Variants in PKP4 observed in about 807,000 individuals in gnomAD.
The protein encoded by PKP4 is plakophilin 4.
PKP4 carries 90 observed loss-of-function variants against 145.1 expected under a neutral mutation model. The observed-to-expected ratio is 0.62, with a 90% CI of 0.52 to 0.74. The LOEUF (loss-of-function observed/expected upper bound fraction) is 0.74. PKP4 is among the 30% of genes least tolerant of loss of function. The pLI is 0.00. For synonymous variants in PKP4, 563 were observed against 577.2 expected (o/e 0.98, Z 0.35); for missense variants, 1,340 against 1,482.7 (o/e 0.90, Z 1.58).
chr2:158,665,511 G>A (rs139973141), intron 15 of PKP4, among the ~76,000 whole-genome samples: 181 of 152,278 alleles, frequency 1.2e-3, no homozygotes, highest in African/African-American at 4.1e-3. Context: ...GTAGATCTCT[G>A]TCCTACTGTC....
At chr2:158,528,794 T>G (rs939120612) in intron 1 of PKP4, among the ~76,000 whole-genome samples, 2 of 151,984 alleles carry the variant, frequency 1.3e-5, no homozygotes, top group African/African-American at 2.4e-5. Flanking sequence ...ATCTCTGAGC[T>G]TTGTATAGCC....
chr2:158,521,831 C>T (rs1574256803), intron 1 of PKP4, among the ~76,000 whole-genome samples: 1 of 152,096 alleles, frequency 6.6e-6, no homozygotes, highest in African/African-American at 2.4e-5. Flanking sequence ...GATGATACTC[C>T]TAGCAATTTT....
intron 1 of PKP4, among the ~76,000 whole-genome samples, chr2:158,508,894 C>T (rs1429235738): frequency 6.6e-6 from 1 of 152,118 alleles, no homozygotes; most frequent in East Asian, 1.9e-4. Flanking sequence ...TCTTTCTTTG[C>T]ACTGCTGGGT....
chr2:158,480,907 C>A (rs1180577419), intron 1 of PKP4, among the ~76,000 whole-genome samples: 1 of 152,114 alleles, frequency 6.6e-6, no homozygotes, highest in Non-Finnish European at 1.5e-5. Context: ...AACCACTAAT[C>A]TTTCTGTCTT....
intron 2 of PKP4, among the ~76,000 whole-genome samples, chr2:158,547,918 A>G (rs776366349): frequency 2.0e-5 from 3 of 152,242 alleles, no homozygotes; most frequent in African/African-American, 4.8e-5. Context: ...AAGTCGGCCA[A>G]CAAGGCTCAA....
At position 158,640,634 on chromosome 2, in the gene PKP4, G is replaced by T; in HGVS notation, c.1570G>T (p.Ala524Ser). ...DSIQKDPREF[A>S]WRDPELPEVI... ...CATGTTTTTCTCATGTAGGGAGTTT[G>T]CCTGGCGTGATCCTGAGTTGCCTGA... Residue 524 changes from alanine to serine, a missense_variant, in exon 10 of 22, where the codon GCC becomes TCC. Transcript: ENST00000389759. The T allele has an allele frequency of 1.2e-6, 2 of 1,612,970 alleles. No individual in the cohort carries two copies. Among genetic ancestry groups the T allele is most frequent in the Non-Finnish European group, 1.7e-6 (2 of 1,179,902 alleles).
intron 1 of PKP4, among the ~76,000 whole-genome samples, chr2:158,459,345 G>A (rs1689403940): frequency 6.6e-6 from 1 of 152,178 alleles, no homozygotes; most frequent in Non-Finnish European, 1.5e-5. Flanking sequence ...GTTATTTTAT[G>A]TCAGATTCAG....
chr2:158,665,980 A>G (rs1217764997), intron 15 of PKP4: 3 of 152,232 alleles, frequency 2.0e-5, no homozygotes, highest in Non-Finnish European at 4.4e-5. Context: ...GGGAATATAG[A>G]AAAAAAATGA....
At chr2:158,617,527 G>C (rs2051761956) in intron 4 of PKP4, among the ~76,000 whole-genome samples, 1 of 152,130 alleles carries the variant, frequency 6.6e-6, no homozygotes, top group Non-Finnish European at 1.5e-5. Flanking sequence ...CTCTTCTCTA[G>C]TGAATTTGAC....
intron 2 of PKP4, among the ~76,000 whole-genome samples, chr2:158,565,125 A>G (rs1020484656): frequency 2.0e-5 from 3 of 152,156 alleles, no homozygotes; most frequent in Admixed American, 6.5e-5. Context: ...GGATTGCTCA[A>G]TTCAAAACTG....
chr2:158,517,776 T>C (rs1480276651), intron 1 of PKP4, among the ~76,000 whole-genome samples: 3 of 151,338 alleles, frequency 2.0e-5, no homozygotes, highest in African/African-American at 7.3e-5. Context: ...GAAAATTAGC[T>C]CAGTGGTGTC....
intron 11 of PKP4, 151 bp from the exon 12 acceptor site, chr2:158,657,980 T>G (rs181053740): frequency 1.7e-6 from 1 of 595,782 alleles, no homozygotes; most frequent in East Asian, 2.9e-5. Context: ...TCAAAACTCA[T>G]TAGAGGTCTA....
At chr2:158,541,804 A>G (rs572205469) in intron 2 of PKP4, among the ~76,000 whole-genome samples, 3 of 152,266 alleles carry the variant, frequency 2.0e-5, no homozygotes, top group African/African-American at 7.2e-5. Context: ...TGAAGTGTTC[A>G]TCGTGAGTTA....
At chr2:158,548,948 C>A in intron 2 of PKP4, 1 of 171,974 alleles carries the variant, frequency 5.8e-6, no homozygotes, top group South Asian at 1.2e-4. Flanking sequence ...GCCTTATGTC[C>A]TAAAATGGGG....
chr2:158,529,356 A>G (rs2043301386), intron 1 of PKP4, among the ~76,000 whole-genome samples: 1 of 152,170 alleles, frequency 6.6e-6, no homozygotes, highest in Non-Finnish European at 1.5e-5. Context: ...CTTCAGGTCA[A>G]ACTTTCTTTT....
chr2:158,501,172 A>T (rs1271811976), intron 1 of PKP4, among the ~76,000 whole-genome samples: 3 of 152,144 alleles, frequency 2.0e-5, no homozygotes, highest in Non-Finnish European at 4.4e-5. Context: ...CCAGGCCTTA[A>T]TACTCTCTGG....
intron 11 of PKP4, among the ~76,000 whole-genome samples, chr2:158,655,354 T>C (rs1251331137): frequency 6.6e-6 from 1 of 152,172 alleles, no homozygotes; most frequent in Non-Finnish European, 1.5e-5. Context: ...CAGAGAAATA[T>C]TCTCTTGCCA....
intron 11 of PKP4, among the ~76,000 whole-genome samples, chr2:158,654,708 T>C (rs1015594803): frequency 6.6e-6 from 1 of 152,082 alleles, no homozygotes; most frequent in African/African-American, 2.4e-5. Context: ...TCTCCCCCAG[T>C]TGCAAACTTA....
intron 1 of PKP4, among the ~76,000 whole-genome samples, chr2:158,490,524 A>C (rs1199397064): frequency 6.6e-6 from 1 of 152,236 alleles, no homozygotes; most frequent in African/African-American, 2.4e-5. Context: ...GTTGAGTTGT[A>C]AATGGTAAGA....
Sources: gnomAD v4.1 joint callset for allele counts (sites outside exome capture counted in the v4.1 genomes callset) on GRCh38, gnomAD v4.1.1 for gene constraint, MANE v1.5 for transcripts, NCBI Gene and HGNC (gene_info 2026-07-23, HGNC 2026-07-21) for gene names.